The following PIN1 variants were observed in gnomAD, a reference collection of about 807,000 sequenced individuals.
PIN1 encodes the protein peptidyl-prolyl cis-trans isomerase NIMA-interacting 1.
A neutral mutation model predicts 19.9 loss-of-function variants in PIN1; 8 were observed. That is an observed-to-expected ratio of 0.40 (90% CI 0.24 to 0.72). PIN1 has a LOEUF of 0.72. Ranked by LOEUF, PIN1 falls within the 30% of genes least tolerant of loss-of-function variation. PIN1 has a pLI of 0.37. For synonymous variants in PIN1, 86 were observed against 90.8 expected (o/e 0.95, Z 0.30); for missense variants, 185 against 226.5 (o/e 0.82, Z 1.18).
intron 1 of PIN1, chr19:9,836,878 G>A: frequency 1.6e-6 from 2 of 1,283,804 alleles, no homozygotes; most frequent in Non-Finnish European, 2.0e-6. Context: ...TGCAAAAGGT[G>A]AGGTCTCCGT....
intron 2 of PIN1, among the ~76,000 whole-genome samples, chr19:9,845,507 T>A (rs569242996): frequency 4.7e-5 from 7 of 149,340 alleles, no homozygotes; most frequent in African/African-American, 1.2e-4. Context: ...GAAAGCGTTT[T>A]AAAAAAAAAA....
intron 1 of PIN1, 107 bp downstream of exon 1, chr19:9,835,509 C>T (rs2046093475): frequency 6.6e-6 from 5 of 762,864 alleles, no homozygotes; most frequent in African/African-American, 3.7e-5. Context: ...CCATGGGGTC[C>T]TGGCTCTTCC....
At chr19:9,843,625 T>G (rs1157372653) in intron 2 of PIN1, among the ~76,000 whole-genome samples, 1 of 152,228 alleles carries the variant, frequency 6.6e-6, no homozygotes, top group African/African-American at 2.4e-5. Flanking sequence ...TTCCCTCAGA[T>G]TCTGTTCCTG....
chr19:9,837,909 A>C, intron 1 of PIN1: 1 of 171,608 alleles, frequency 5.8e-6, no homozygotes, highest in Admixed American at 5.6e-5. Context: ...TGCTGGGATT[A>C]CAGGTGAGAG....
At position 9,847,688 on chromosome 19, in the gene PIN1, G is replaced by A. The variant is rs1021695472; in HGVS notation, c.272-342G>A. ...AGCTTGTATGTAGATTTTCCCTCACGTGTGTGTGTGTGTGTGCATGTGTGT... is the reference window on the plus strand; with the variant it reads ...AGCTTGTATGTAGATTTTCCCTCACATGTGTGTGTGTGTGTGCATGTGTGT... On this transcript the variant is annotated intron_variant, in intron 2 of 3. Coordinates refer to ENST00000247970, the MANE Select transcript of PIN1 (RefSeq NM_006221.4). Among the ~76,000 whole-genome samples the A allele has an allele frequency of 2.3e-4, 27 of 117,050 alleles. 1 individual carries two copies. Among genetic ancestry groups the A allele is most frequent in the African/African-American group, 6.8e-4 (26 of 38,208 alleles). The allele number at this position is 117,050 out of a possible 152,430, so 76.8% of individuals were successfully genotyped here.
At position 9,838,793 on chromosome 19, in the gene PIN1, C is replaced by T. The variant is rs1447315703; in HGVS notation, c.271+145C>T. ...CAAAAACGCCAGTGCATGACCTGAC[C>T]CTGACCTTCACAGCAGCCATTCTCT... is the stretch of plus-strand genomic sequence containing the variant. On this transcript the variant is annotated intron_variant, in intron 2 of 3. Coordinates refer to ENST00000247970, the MANE Select transcript of PIN1 (RefSeq NM_006221.4). The surrounding 1 kb of genome is among the most constrained non-coding windows in gnomAD (Gnocchi z 5.8). The T allele has an allele frequency of 3.1e-6, 2 of 640,682 alleles. No homozygotes were observed. The highest frequency in any genetic ancestry group is 3.6e-5 in the African/African-American group (2 of 54,826). The allele number at this position is 640,682 out of a possible 1,614,324, so 39.7% of individuals were successfully genotyped here. A position where few individuals can be genotyped will look rare whatever the true frequency, so the allele number is the denominator to read the frequency against.
chr19:9,835,701 A>C, intron 1 of PIN1: 1 of 417,060 alleles, frequency 2.4e-6, no homozygotes. Flanking sequence ...TGCACCTGAC[A>C]CCCCGGGGGA....
rs564240939 is a variant in PIN1, at chr19:9,838,491, C to T, written c.114C>T (p.Ser38=). ...ACGCCAGCCAGTGGGAGCGGCCCAG[C>T]GGCAACAGCAGCAGTGGTGGCAAAA... ...ITNASQWERP[S]GNSSSGGKNG... Residue 38 remains serine, a synonymous_variant, in exon 2 of 4, where the codon AGC becomes AGT. Transcript: ENST00000247970. The surrounding 1 kb of genome is among the most constrained non-coding windows in gnomAD (Gnocchi z 5.8). The T allele has an allele frequency of 2.8e-5, 45 of 1,608,782 alleles. No homozygotes were observed. Among genetic ancestry groups the T allele is most frequent in the African/African-American group, 9.3e-5 (7 of 74,894 alleles).
intron 2 of PIN1, among the ~76,000 whole-genome samples, chr19:9,844,804 G>A (rs1167877762): frequency 6.6e-6 from 1 of 152,194 alleles, no homozygotes; most frequent in East Asian, 1.9e-4. Context: ...TTTCTGCTTC[G>A]AGCCCCGTGG....
At chr19:9,843,149 G>A (rs1161730752) in intron 2 of PIN1, among the ~76,000 whole-genome samples, 1 of 152,238 alleles carries the variant, frequency 6.6e-6, no homozygotes, top group Non-Finnish European at 1.5e-5. Flanking sequence ...CCCCTCACAT[G>A]CCCAGGGCCT....
chr19:9,847,959 T>A, intron 2 of PIN1, 71 bp from the exon 3 acceptor site: 2 of 931,290 alleles, frequency 2.1e-6, no homozygotes, highest in South Asian at 2.6e-5. Flanking sequence ...AGCTCTGGAG[T>A]CCTCCATCCT....
chr19:9,846,929 G>C lies in PIN1; in HGVS notation c.272-1101G>C, dbSNP rs1029587342. ...TGCCAGGCCTTAGGGTACACGGGGC[G>C]GGTGCAGTTCACCCAGAGGGCTGCC... is the stretch of plus-strand genomic sequence containing the variant. On this transcript the variant is annotated intron_variant, in intron 2 of 3. Transcript: ENST00000247970. This position sits in a 1 kb window ranked among gnomAD's most constrained non-coding sequence, Gnocchi z 5.9. Among the ~76,000 whole-genome samples, 1 of 152,142 alleles carries C rather than the reference G, an allele frequency of 6.6e-6. No homozygotes were observed. The highest frequency in any genetic ancestry group is 1.5e-5 in the Non-Finnish European group (1 of 68,020).
rs1351209956 is a variant in PIN1 at position 9,846,289 on chromosome 19, AG to A, written c.272-1738del. Among the ~76,000 whole-genome samples the A allele has an allele frequency of 3.9e-5, 6 of 152,152 alleles. No individual in the cohort carries two copies. The highest frequency in any genetic ancestry group is 1.4e-4 in the African/African-American group (6 of 41,506). On this transcript the variant is annotated intron_variant, in intron 2 of 3. Transcript: ENST00000247970. The surrounding 1 kb of genome is among the most constrained non-coding windows in gnomAD (Gnocchi z 5.9). Reference sequence around the variant, plus strand: ...CACGTGGGCCGGCAGGGCCAAGGATAGGGAGAGCAGAGCAGTAGAGGCTGCG... The same window carrying A: ...CACGTGGGCCGGCAGGGCCAAGGATAGGAGAGCAGAGCAGTAGAGGCTGCG...
rs546234278 is a variant in PIN1 at position 9,837,125 on chromosome 19, T to C, written c.59-1311T>C. On this transcript the variant is annotated intron_variant, in intron 1 of 3. Coordinates refer to ENST00000247970, the MANE Select transcript of PIN1 (RefSeq NM_006221.4). ...ACCACAGGCGTGTACCACCCACCCA[T>C]GGCTAATTTTTTATTTTTTATTTTT... 7.1e-4 allele frequency: 182 copies of C among 256,050 alleles called. 1 individual carries two copies. The highest frequency in any genetic ancestry group is 1.6e-3 in the Middle Eastern group (1 of 632). 15.9% of individuals were successfully genotyped at this position (256,050 alleles called of 1,614,324 possible).
intron 2 of PIN1, among the ~76,000 whole-genome samples, chr19:9,842,415 C>T (rs919116319): frequency 6.6e-6 from 1 of 152,160 alleles, no homozygotes; most frequent in Admixed American, 6.5e-5. Context: ...TATGAGGATC[C>T]AGGAGCTATG....
chr19:9,840,959 G>A (rs1051248677), intron 2 of PIN1, among the ~76,000 whole-genome samples: 1 of 152,190 alleles, frequency 6.6e-6, no homozygotes, highest in African/African-American at 2.4e-5. Flanking sequence ...CAGGGTAGTT[G>A]TGAGGACTCC....
intron 1 of PIN1, chr19:9,835,616 TG>T: frequency 2.6e-6 from 1 of 389,764 alleles, no homozygotes; most frequent in East Asian, 5.3e-5. Context: ...GGCAGGGGGC[TG>T]GGCGGGTGAG....
At chr19:9,845,724 G>A (rs1189094531) in intron 2 of PIN1, among the ~76,000 whole-genome samples, 1 of 152,210 alleles carries the variant, frequency 6.6e-6, no homozygotes, top group Non-Finnish European at 1.5e-5. Flanking sequence ...GTGTGCCAAA[G>A]TGTGGCTTTT....
intron 2 of PIN1, among the ~76,000 whole-genome samples, chr19:9,847,681 C>T (rs1329253870): frequency 7.1e-6 from 1 of 141,228 alleles, no homozygotes; most frequent in African/African-American, 2.5e-5. Context: ...TGTAGATTTT[C>T]CCTCACGTGT....
Sources: gnomAD v4.1 joint callset for allele counts (sites outside exome capture counted in the v4.1 genomes callset) on GRCh38, gnomAD v4.1.1 for gene constraint, Gnocchi (gnomAD v3.1) non-coding constraint, MANE v1.5 for transcripts, NCBI Gene and HGNC (gene_info 2026-07-23, HGNC 2026-07-21) for gene names.